The following PBX1 variants were observed in gnomAD, a reference collection of about 807,000 sequenced individuals.
The protein encoded by PBX1 is PBX homeobox 1, also known as pre-B-cell leukemia transcription factor 1.
A neutral mutation model predicts 53.4 loss-of-function variants in PBX1; 6 were observed. That is an observed-to-expected ratio of 0.11 (90% CI 0.06 to 0.22). The LOEUF (loss-of-function observed/expected upper bound fraction) is 0.22. Among genes scored for constraint, PBX1 ranks in the 10% least tolerant of loss-of-function variants. The probability of loss-of-function intolerance (pLI) is 1.00; values close to 1 mark genes in which losing one functional copy is unlikely to be tolerated. For missense variants in PBX1, 251 were observed against 551.4 expected (o/e 0.46, Z 5.46); for synonymous variants, 204 against 212.3 (o/e 0.96, Z 0.34).
In PBX1 at chr1:164,847,699, A is replaced by G. The variant is rs1410217542; in HGVS notation, c.*1023A>G. On this transcript the variant is annotated 3_prime_UTR_variant, in exon 9 of 9. Transcript: ENST00000420696. The stretch of plus-strand genomic sequence containing the variant: ...CGAGATGCCATATACAATTACCTAC[A>G]TTAATAACTGTAGCACTATGCCTTT... 10 of 1,056,596 alleles carry G rather than the reference A, an allele frequency of 9.5e-6. No homozygotes were observed. The highest frequency in any genetic ancestry group is 1.0e-4 in the East Asian group (2 of 19,186). 65.5% of individuals were successfully genotyped at this position (1,056,596 alleles called of 1,614,324 possible).
In PBX1 at chr1:164,672,450, G is replaced by A. The variant is rs188203683; in HGVS notation, c.265+109139G>A. Among the ~76,000 whole-genome samples the A allele has an allele frequency of 6.6e-5, 10 of 152,280 alleles. No individual in the cohort carries two copies. In the East Asian group the frequency reaches 1.4e-3, roughly 21 times the overall value. ...TGTACTTAGATCTCGATACTGAGACGTGACTGTTATGCTGATAAAGGCAAG... is the reference window on the plus strand; with the variant it reads ...TGTACTTAGATCTCGATACTGAGACATGACTGTTATGCTGATAAAGGCAAG... On this transcript the variant is annotated intron_variant, in intron 2 of 8. Coordinates refer to ENST00000420696, the MANE Select transcript of PBX1 (RefSeq NM_002585.4).
chr1:164,837,338 A>G (rs551265918), intron 8 of PBX1, among the ~76,000 whole-genome samples: 13 of 152,194 alleles, frequency 8.5e-5, no homozygotes, highest in Non-Finnish European at 1.9e-4. Context: ...AGAGTTTAAA[A>G]AAGAAAAAGA....
At chr1:164,836,812 G>A (rs1044510330) in intron 8 of PBX1, among the ~76,000 whole-genome samples, 2 of 152,104 alleles carry the variant, frequency 1.3e-5, no homozygotes, top group African/African-American at 4.8e-5. Context: ...GGTGCGTCAC[G>A]GAAGATAAGG....
At chr1:164,772,714 A>C (rs1010038196) in intron 2 of PBX1, among the ~76,000 whole-genome samples, 1 of 152,204 alleles carries the variant, frequency 6.6e-6, no homozygotes, top group African/African-American at 2.4e-5. Context: ...TCAGGCAGAG[A>C]TATCAGAATG....
In PBX1 at chr1:164,611,212, C is replaced by T. The variant is rs531951576; in HGVS notation, c.265+47901C>T. Among the ~76,000 whole-genome samples, 6 of 152,056 alleles carry T rather than the reference C, an allele frequency of 3.9e-5. No homozygotes were observed. In the South Asian group the frequency reaches 1.0e-3, roughly 26 times the overall value. Reference sequence around the variant, plus strand: ...TTTTGGGGTCTGTTTTTCTCTCTAACTTTGGGCCTTTTTCACATTTCTGTG... The same window carrying T: ...TTTTGGGGTCTGTTTTTCTCTCTAATTTTGGGCCTTTTTCACATTTCTGTG... On this transcript the variant is annotated intron_variant, in intron 2 of 8. Coordinates refer to ENST00000420696, the MANE Select transcript of PBX1 (RefSeq NM_002585.4).
chr1:164,717,523 T>C (rs977894462), intron 2 of PBX1, among the ~76,000 whole-genome samples: 8 of 152,190 alleles, frequency 5.3e-5, no homozygotes, highest in African/African-American at 1.7e-4. Flanking sequence ...CTAAAAATAC[T>C]TCCAGCAGCA....
intron 8 of PBX1, among the ~76,000 whole-genome samples, chr1:164,838,711 T>C (rs1021206006): frequency 3.3e-5 from 5 of 152,104 alleles, no homozygotes; most frequent in Non-Finnish European, 7.3e-5. Flanking sequence ...GAGTTCACAC[T>C]AGATTTGTGT....
rs551923798 is a variant in PBX1, at chr1:164,585,676, C to G, written c.265+22365C>G. Reference sequence around the variant, plus strand: ...TCTGTGGTTGCTTCACTTTCTTGCTCAGTAGAACCACAATCTATTAAGATT... The same window carrying G: ...TCTGTGGTTGCTTCACTTTCTTGCTGAGTAGAACCACAATCTATTAAGATT... On this transcript the variant is annotated intron_variant, in intron 2 of 8. Transcript: ENST00000420696. Among the ~76,000 whole-genome samples, 62 of 152,312 alleles carry G rather than the reference C, an allele frequency of 4.1e-4. 1 individual carries two copies. The highest frequency in any genetic ancestry group is 3.4e-3 in the Middle Eastern group (1 of 292).
At chr1:164,578,869 C>T (rs1654427152) in intron 2 of PBX1, among the ~76,000 whole-genome samples, 1 of 152,118 alleles carries the variant, frequency 6.6e-6, no homozygotes, top group Admixed American at 6.5e-5. Flanking sequence ...AGCACTGTAA[C>T]CTCCTTTATT....
chr1:164,780,992 T>C (rs1373364628), intron 2 of PBX1, among the ~76,000 whole-genome samples: 2 of 152,216 alleles, frequency 1.3e-5, no homozygotes, highest in Non-Finnish European at 2.9e-5. Flanking sequence ...CTGCTTTTCA[T>C]GCAGCCTGTT....
At chr1:164,658,004 G>T (rs549524924) in intron 2 of PBX1, among the ~76,000 whole-genome samples, 2 of 152,130 alleles carry the variant, frequency 1.3e-5, no homozygotes, top group Non-Finnish European at 2.9e-5. Flanking sequence ...GGGCATTCGT[G>T]TCCCACTGTC....
At position 164,879,398 on chromosome 1, in the gene PBX1, A is replaced by T. The variant is rs778574119; in HGVS notation, n.258-19790A>T. ...ACTCAGTGGCTACCTGCAAGTAGGC[A>T]TGAAGGGAAGGTTGGGGTTCTGGCC... On this transcript the variant is annotated intron_variant and non_coding_transcript_variant, in intron 2 of 2. Transcript: ENST00000558796. 1.8e-4 allele frequency among the ~76,000 whole-genome samples: 28 copies of T among 152,354 alleles called. 1 individual carries two copies. The highest frequency in any genetic ancestry group is 3.4e-3 in the Middle Eastern group (1 of 294).
At chr1:164,621,330 G>A (rs185477212) in intron 2 of PBX1, among the ~76,000 whole-genome samples, 109 of 152,336 alleles carry the variant, frequency 7.2e-4, no homozygotes, top group Non-Finnish European at 1.2e-3. Context: ...CTGTCTGTCT[G>A]TATTTGTATT....
chr1:164,598,607 G>A (rs1655933778), intron 2 of PBX1, among the ~76,000 whole-genome samples: 1 of 152,238 alleles, frequency 6.6e-6, no homozygotes, highest in African/African-American at 2.4e-5. Context: ...CTCTCAGTAT[G>A]TGGTAAATTC....
intron 2 of PBX1, among the ~76,000 whole-genome samples, chr1:164,880,983 A>T (rs1273712761): frequency 6.6e-6 from 1 of 152,200 alleles, no homozygotes; most frequent in Non-Finnish European, 1.5e-5. Flanking sequence ...TAGGAGCGGG[A>T]CCTAGTGGTC....
chr1:164,581,031 C>T (rs1654578497), intron 2 of PBX1, among the ~76,000 whole-genome samples: 1 of 152,182 alleles, frequency 6.6e-6, no homozygotes, highest in Admixed American at 6.5e-5. Context: ...GCACAGGGTC[C>T]TGCCTTTGCA....
At chr1:164,740,698 AT>A (rs1665558257) in intron 2 of PBX1, among the ~76,000 whole-genome samples, 1 of 152,226 alleles carries the variant, frequency 6.6e-6, no homozygotes, top group Non-Finnish European at 1.5e-5. Context: ...TGCATCTATT[AT>A]GTGCCAGACA....
chr1:164,583,284 A>G (rs1375786246), intron 2 of PBX1, among the ~76,000 whole-genome samples: 48 of 101,890 alleles, frequency 4.7e-4, no homozygotes, highest in East Asian at 5.9e-3. Context: ...GAGAGGCGGG[A>G]AAAAAAAAAA....
intron 6 of PBX1, chr1:164,813,801 C>T (rs550465809): frequency 1.3e-5 from 2 of 152,304 alleles, no homozygotes; most frequent in East Asian, 3.9e-4. Flanking sequence ...TTTATTCTTT[C>T]CTAAAGCCCT....
Sources: allele counts gnomAD v4.1 joint callset (sites outside exome capture counted in the v4.1 genomes callset), GRCh38; gene constraint gnomAD v4.1.1; transcripts MANE v1.5; gene names NCBI Gene and HGNC (gene_info 2026-07-23, HGNC 2026-07-21).